Variants in EFEMP1 observed in about 807,000 individuals in gnomAD.
The protein encoded by EFEMP1 is EGF-containing fibulin-like extracellular matrix protein 1.
Under a neutral mutation model 65.7 loss-of-function variants are expected in EFEMP1, and 18 were observed. That is an observed-to-expected ratio of 0.27 (90% CI 0.19 to 0.41). The LOEUF is 0.41. EFEMP1 is among the 10% of genes least tolerant of loss of function. EFEMP1 has a pLI of 1.00. For missense variants in EFEMP1, 469 were observed against 624.8 expected (o/e 0.75, Z 2.66); for synonymous variants, 237 against 219.7 (o/e 1.08, Z -0.70).
chr2:55,889,839 A>T, intron 5 of EFEMP1, among the ~76,000 whole-genome samples: 1 of 148,468 alleles, frequency 6.7e-6, no homozygotes. Flanking sequence ...AAAAAAAATA[A>T]AACTACAAAG....
At chr2:55,876,175 A>G (rs1325779332) in intron 8 of EFEMP1, among the ~76,000 whole-genome samples, 2 of 151,660 alleles carry the variant, frequency 1.3e-5, no homozygotes, top group Non-Finnish European at 2.9e-5. Context: ...CAGAAACCAG[A>G]TCTCCTGATT....
At chr2:55,888,578 T>C (rs1266517836) in intron 5 of EFEMP1, among the ~76,000 whole-genome samples, 1 of 152,052 alleles carries the variant, frequency 6.6e-6, no homozygotes, top group African/African-American at 2.4e-5. Flanking sequence ...ACCTTGTGAT[T>C]CACCCACCTT....
Position 55,870,360 on chromosome 2 carries a change from T to C in EFEMP1, c.1320+360A>G, listed in dbSNP as rs1668755957. On this transcript the variant is annotated intron_variant, in intron 11 of 11. Transcript: ENST00000355426. This position sits in a 1 kb window ranked among gnomAD's most constrained non-coding sequence, Gnocchi z 5.8. ...ATTAGTGATACCTACTTGGGGGGTA[T>C]GTTGGGTGGGGGCAGAGGCGGGGGG... 8.4e-6 allele frequency among the ~76,000 whole-genome samples: 1 copy of C among 118,614 alleles called. No homozygotes were observed. Among genetic ancestry groups the C allele is most frequent in the South Asian group, 3.2e-4 (1 of 3,164 alleles). 77.8% of individuals were successfully genotyped at this position (118,614 alleles called of 152,430 possible).
Position 55,866,975 on chromosome 2 carries a change from A to G in EFEMP1, c.*98T>C. The G allele has an allele frequency of 2.1e-6, 3 of 1,443,972 alleles. No homozygotes were observed. Among genetic ancestry groups the G allele is most frequent in the Non-Finnish European group, 2.9e-6 (3 of 1,032,632 alleles). The allele number at this position is 1,443,972 out of a possible 1,614,324, so 89.4% of individuals were successfully genotyped here. ...TTATGGGTGAGTGTACAGTATAGAGATGTAGATGCACTAGATATATCTATA... is the reference window on the plus strand; with the variant it reads ...TTATGGGTGAGTGTACAGTATAGAGGTGTAGATGCACTAGATATATCTATA... On this transcript the variant is annotated 3_prime_UTR_variant, in exon 12 of 12. Transcript: ENST00000355426.
intron 5 of EFEMP1, among the ~76,000 whole-genome samples, 166 bp from the exon 6 acceptor site, chr2:55,881,900 T>C (rs1669257538): frequency 6.6e-6 from 1 of 152,226 alleles, no homozygotes; most frequent in Non-Finnish European, 1.5e-5. Flanking sequence ...GTTCAGAAAA[T>C]AATTTTGCAA....
Position 55,923,455 on chromosome 2 carries a change from C to G in EFEMP1, c.-49+256G>C, listed in dbSNP as rs561706606. On this transcript the variant is annotated intron_variant, in intron 1 of 11. Transcript: ENST00000355426. This position sits in a 1 kb window ranked among gnomAD's most constrained non-coding sequence, Gnocchi z 5.3. ...AAACTTTCAAAACCACGTTTATGGGCAAAGCCCTGCCGGCTGGTTGTCGGC... is the reference window on the plus strand; with the variant it reads ...AAACTTTCAAAACCACGTTTATGGGGAAAGCCCTGCCGGCTGGTTGTCGGC... Among the ~76,000 whole-genome samples, 41 of 152,306 alleles carry G rather than the reference C, an allele frequency of 2.7e-4. No individual in the cohort carries two copies. Among genetic ancestry groups the G allele is most frequent in the African/African-American group, 9.6e-4 (40 of 41,580 alleles).
At chr2:55,881,359 A>G (rs1669232632) in intron 6 of EFEMP1, among the ~76,000 whole-genome samples, 1 of 152,232 alleles carries the variant, frequency 6.6e-6, no homozygotes, top group Non-Finnish European at 1.5e-5. Flanking sequence ...GGTTGTTTTT[A>G]TTGTCCCATT....
At chr2:55,918,369 T>A in intron 3 of EFEMP1, 102 bp from the exon 4 acceptor site, 5 of 1,335,188 alleles carry the variant, frequency 3.7e-6, no homozygotes, top group African/African-American at 1.4e-5. Context: ...CAACAATCCT[T>A]GTGCTAAAGT....
At chr2:55,915,143 G>A (rs1217504643) in intron 5 of EFEMP1, among the ~76,000 whole-genome samples, 1 of 152,146 alleles carries the variant, frequency 6.6e-6, no homozygotes, top group Non-Finnish European at 1.5e-5. Context: ...AAAATTGTGA[G>A]GTGGGAAGAA....
intron 7 of EFEMP1, 115 bp from the exon 8 acceptor site, chr2:55,876,857 T>A: frequency 2.0e-6 from 1 of 510,414 alleles, no homozygotes; most frequent in Non-Finnish European, 2.9e-6. Flanking sequence ...TGCTGACAAG[T>A]GAGTAATTCC....
rs1159475467 is a variant in EFEMP1, at chr2:55,910,149, G to T, written c.517+7516C>A. On this transcript the variant is annotated intron_variant, in intron 5 of 11. Transcript: ENST00000355426. ...GATTAGCTGTTTCTTCTTTTAATCT[G>T]TAGTTATGCTAACAGCTCAGCATTC... is the stretch of plus-strand genomic sequence containing the variant. 2.0e-5 allele frequency among the ~76,000 whole-genome samples: 3 copies of T among 152,192 alleles called. No homozygotes were observed. In the East Asian group the frequency reaches 5.8e-4, roughly 29 times the overall value.
intron 5 of EFEMP1, among the ~76,000 whole-genome samples, chr2:55,892,219 T>C (rs145342817): frequency 0.012 from 1,823 of 152,276 alleles, 24 homozygotes; most frequent in African/African-American, 0.033. Flanking sequence ...TACATTTCCA[T>C]TGGGGACAGA....
rs1308486903 is a variant in EFEMP1 at position 55,921,578 on chromosome 2, A to G, written c.81+782T>C. ...ACAAGAAAACACAGAACAGAGGTGC[A>G]AACAAACTCACCAGAAGTGAAGTCA... On this transcript the variant is annotated intron_variant, in intron 3 of 11. Coordinates refer to ENST00000355426, the MANE Select transcript of EFEMP1 (RefSeq NM_001039348.3). This position sits in a 1 kb window ranked among gnomAD's most constrained non-coding sequence, Gnocchi z 4.1. Among the ~76,000 whole-genome samples, 1 of 152,264 alleles carries G rather than the reference A, an allele frequency of 6.6e-6. No individual in the cohort carries two copies. Among genetic ancestry groups the G allele is most frequent in the Non-Finnish European group, 1.5e-5 (1 of 68,056 alleles).
chr2:55,878,359 T>G (rs1053490479), intron 6 of EFEMP1, among the ~76,000 whole-genome samples: 1 of 152,176 alleles, frequency 6.6e-6, no homozygotes, highest in African/African-American at 2.4e-5. Context: ...TTAGGACGTT[T>G]TTGTGTATCA....
chr2:55,906,256 G>A lies in EFEMP1; in HGVS notation c.517+11409C>T, dbSNP rs112149687. On this transcript the variant is annotated intron_variant, in intron 5 of 11. Transcript: ENST00000355426. Reference sequence around the variant, plus strand: ...TTTTTTTTTTTTTAGACGGAGTCTCGTTCTGTCACCCAGACTAGAGTGCAG... The same window carrying A: ...TTTTTTTTTTTTTAGACGGAGTCTCATTCTGTCACCCAGACTAGAGTGCAG... 6.6e-3 allele frequency among the ~76,000 whole-genome samples: 880 copies of A among 133,534 alleles called. 3 individuals are homozygous for A. The highest frequency in any genetic ancestry group is 0.011 in the South Asian group (47 of 4,346). 87.6% of individuals were successfully genotyped at this position (133,534 alleles called of 152,430 possible). A position where few individuals can be genotyped will look rare whatever the true frequency, so the allele number is the denominator to read the frequency against.
At position 55,870,616 on chromosome 2, in the gene EFEMP1, T is replaced by C; in HGVS notation, c.1320+104A>G. Reference sequence around the variant, plus strand: ...CCTACACATAAGACACTTTAAATGTTTGCTTTCCTTCCACATGTGGATACC... The same window carrying C: ...CCTACACATAAGACACTTTAAATGTCTGCTTTCCTTCCACATGTGGATACC... On this transcript the variant is annotated intron_variant, in intron 11 of 11. Coordinates refer to ENST00000355426, the MANE Select transcript of EFEMP1 (RefSeq NM_001039348.3). The surrounding 1 kb of genome is among the most constrained non-coding windows in gnomAD (Gnocchi z 5.8). 1 of 1,419,194 alleles carries C rather than the reference T, an allele frequency of 7.0e-7. No individual in the cohort carries two copies. The highest frequency in any genetic ancestry group is 9.9e-7 in the Non-Finnish European group (1 of 1,014,354). 87.9% of individuals were successfully genotyped at this position (1,419,194 alleles called of 1,614,324 possible).
chr2:55,895,205 G>A (rs774954993), intron 5 of EFEMP1, among the ~76,000 whole-genome samples: 1 of 152,240 alleles, frequency 6.6e-6, no homozygotes, highest in Non-Finnish European at 1.5e-5. Flanking sequence ...TCCAAGACCT[G>A]CCTGTGACTG....
chr2:55,916,792 G>T (rs1287882906), intron 5 of EFEMP1, among the ~76,000 whole-genome samples: 1 of 152,190 alleles, frequency 6.6e-6, no homozygotes, highest in African/African-American at 2.4e-5. Context: ...GAAATGGTTT[G>T]CCAAGAAGAA....
rs768780443 is a variant in EFEMP1 at position 55,875,335 on chromosome 2, TACAC to T, written c.881-274_881-271del. On this transcript the variant is annotated intron_variant, in intron 8 of 11. Transcript: ENST00000355426. ...TCTTAAGTTGCCTGGGTTTCATATA[TACAC>T]ACACACACACACACACACACACACA... Among the ~76,000 whole-genome samples, 111 of 125,424 alleles carry T rather than the reference TACAC, an allele frequency of 8.8e-4. No homozygotes were observed. In the Middle Eastern group the frequency reaches 0.015, roughly 17 times the overall value. 82.3% of individuals were successfully genotyped at this position (125,424 alleles called of 152,430 possible). A position where few individuals can be genotyped will look rare whatever the true frequency, so the allele number is the denominator to read the frequency against.
Sources: gnomAD v4.1 joint callset for allele counts (sites outside exome capture counted in the v4.1 genomes callset) on GRCh38, gnomAD v4.1.1 for gene constraint, Gnocchi (gnomAD v3.1) non-coding constraint, MANE v1.5 for transcripts, NCBI Gene and HGNC (gene_info 2026-07-23, HGNC 2026-07-21) for gene names.